The following CYSLTR2 variants were observed in gnomAD, a reference collection of about 807,000 sequenced individuals.
CYSLTR2 encodes the protein cysteinyl leukotriene receptor 2.
For missense variants in CYSLTR2, 398 were observed against 411.9 expected (o/e 0.97, Z 0.29); for synonymous variants, 179 against 160.8 (o/e 1.11, Z -0.86).
intron 4 of CYSLTR2, among the ~76,000 whole-genome samples, chr13:48,701,710 G>T (rs1333752906): frequency 2.0e-5 from 3 of 152,324 alleles, no homozygotes; most frequent in Admixed American, 2.0e-4. Context: ...ACCACAATGA[G>T]ATACCATCTC....
chr13:48,706,655 G>A (rs1456318749), intron 4 of CYSLTR2, 162 bp from the exon 5 acceptor site: 3 of 593,976 alleles, frequency 5.1e-6, no homozygotes, highest in South Asian at 2.2e-5. Flanking sequence ...ATGTAATGCA[G>A]CATGTAGTAA....
intron 1 of CYSLTR2, among the ~76,000 whole-genome samples, chr13:48,667,935 G>C (rs1218652809): frequency 2.0e-5 from 3 of 152,152 alleles, no homozygotes; most frequent in Non-Finnish European, 4.4e-5. Flanking sequence ...AGAAGAGGAA[G>C]CCTAATGTGG....
rs149390550 is a variant in CYSLTR2, at chr13:48,655,095, A to G, written c.-266+1078A>G. ...ACTCAGCCACATAAACTCTTGAGAT[A>G]AGAATCTACTTGTGTTTCGATTTAC... On this transcript the variant is annotated intron_variant, in intron 1 of 4. Transcript: ENST00000682523. 4.9e-3 allele frequency among the ~76,000 whole-genome samples: 740 copies of G among 152,354 alleles called. 3 individuals carry two copies. Among genetic ancestry groups the G allele is most frequent in the Middle Eastern group, 0.014 (4 of 294 alleles).
intron 1 of CYSLTR2, among the ~76,000 whole-genome samples, chr13:48,686,565 C>G (rs545212932): frequency 6.6e-6 from 1 of 152,150 alleles, no homozygotes; most frequent in Non-Finnish European, 1.5e-5. Context: ...GAAAATATGT[C>G]CCGCAAAATC....
chr13:48,685,774 C>A (rs562142713), intron 1 of CYSLTR2, among the ~76,000 whole-genome samples: 1 of 152,158 alleles, frequency 6.6e-6, no homozygotes, highest in African/African-American at 2.4e-5. Flanking sequence ...TACATAACAA[C>A]ATCATCATTC....
rs1954512074 is a variant in CYSLTR2 at position 48,707,068 on chromosome 13, A to G, written c.251A>G (p.Asp84Gly). ...NVFMLNLAIS[D>G]LLFISTLPFR... ...TTCATGCTAAATCTGGCCATTTCAG[A>G]TCTCCTGTTCATAAGCACGCTTCCC... is the stretch of plus-strand genomic sequence containing the variant. The change falls in exon 5 of 5, where the codon GAT (aspartate) becomes GGT (glycine). Residue 84 changes from aspartate to glycine, a missense_variant. Transcript: ENST00000682523. 1 of 1,614,052 alleles carries G rather than the reference A, an allele frequency of 6.2e-7. No individual in the cohort carries two copies. The highest frequency in any genetic ancestry group is 1.7e-5 in the Admixed American group (1 of 59,998).
chr13:48,672,839 A>G (rs1407943270), intron 1 of CYSLTR2, among the ~76,000 whole-genome samples: 2 of 151,740 alleles, frequency 1.3e-5, no homozygotes, highest in African/African-American at 2.4e-5. Flanking sequence ...GATGGTCTTG[A>G]TCTCCTGACC....
chr13:48,668,243 AAAAG>A (rs1429040598), intron 1 of CYSLTR2, among the ~76,000 whole-genome samples: 1 of 152,128 alleles, frequency 6.6e-6, no homozygotes, highest in African/African-American at 2.4e-5. Context: ...ATAAAAAAAA[AAAAG>A]AGAGACCCAC....
chr13:48,693,824 ACT>A (rs2138950999), intron 3 of CYSLTR2, among the ~76,000 whole-genome samples: 1 of 152,330 alleles, frequency 6.6e-6, no homozygotes, highest in African/African-American at 2.4e-5. Context: ...CAAAAGAATC[ACT>A]GTTAGACAAA....
At position 48,679,968 on chromosome 13, in the gene CYSLTR2, C is replaced by A. The variant is rs866448287; in HGVS notation, c.-265-11244C>A. 3.3e-5 allele frequency among the ~76,000 whole-genome samples: 5 copies of A among 152,228 alleles called. No individual in the cohort carries two copies. The East Asian group carries it at 7.7e-4, about 24-fold the overall frequency. ...ACTGAGTAGCAACTAGGGAGGCTTC[C>A]GCATGGCAGGTCTACCAGTTTTCCC... On this transcript the variant is annotated intron_variant, in intron 1 of 4. Coordinates refer to ENST00000682523, the MANE Select transcript of CYSLTR2 (RefSeq NM_001308476.3).
At chr13:48,695,407 T>TCTC (rs1566101109) in intron 3 of CYSLTR2, among the ~76,000 whole-genome samples, 2 of 98,306 alleles carry the variant, frequency 2.0e-5, no homozygotes, top group African/African-American at 9.5e-5. Context: ...CTCTCTCTCT[T>TCTC]TCTCTCTCTC....
At chr13:48,679,013 T>C (rs1953676267) in intron 1 of CYSLTR2, among the ~76,000 whole-genome samples, 1 of 152,186 alleles carries the variant, frequency 6.6e-6, no homozygotes, top group South Asian at 2.1e-4. Flanking sequence ...AGGCTCTCAC[T>C]GCCCTCAGGA....
At chr13:48,689,698 C>T (rs984438662) in intron 1 of CYSLTR2, among the ~76,000 whole-genome samples, 6 of 152,148 alleles carry the variant, frequency 3.9e-5, no homozygotes, top group Non-Finnish European at 8.8e-5. Context: ...ATGCCTCCAG[C>T]TTTGTTCTTT....
rs1471491500 is a variant in CYSLTR2, at chr13:48,710,631, T to C, written c.*2773T>C. On this transcript the variant is annotated 3_prime_UTR_variant, in exon 5 of 5. Coordinates refer to ENST00000682523, the MANE Select transcript of CYSLTR2 (RefSeq NM_001308476.3). The stretch of plus-strand genomic sequence containing the variant: ...AGTAAGAACAAATCCATCTGTAAAA[T>C]TGTGAAGAAGGCAAAAGAAATTTGT... 5 of 152,164 alleles carry C rather than the reference T, an allele frequency of 3.3e-5. No individual in the cohort carries two copies. The highest frequency in any genetic ancestry group is 7.4e-5 in the Non-Finnish European group (5 of 68,016). The allele number at this position is 152,164 out of a possible 1,614,324, so 9.4% of individuals were successfully genotyped here.
intron 2 of CYSLTR2, among the ~76,000 whole-genome samples, chr13:48,692,524 G>A (rs982432671): frequency 6.6e-6 from 1 of 151,346 alleles, no homozygotes; most frequent in Non-Finnish European, 1.5e-5. Context: ...CATTTTAACT[G>A]TAGCTTTAAA....
intron 4 of CYSLTR2, among the ~76,000 whole-genome samples, chr13:48,697,445 G>GTTA (rs1248950402): frequency 2.0e-5 from 3 of 152,124 alleles, no homozygotes; most frequent in Non-Finnish European, 4.4e-5. Flanking sequence ...TGCAGCTGAG[G>GTTA]GTCCTGACTG....
At position 48,707,853 on chromosome 13, in the gene CYSLTR2, G is replaced by T. The variant is rs1396103331; in HGVS notation, c.1036G>T (p.Val346Leu). 3 of 1,520,222 alleles carry T rather than the reference G, an allele frequency of 2.0e-6. No individual in the cohort carries two copies. The highest frequency in any genetic ancestry group is 2.6e-6 in the Non-Finnish European group (3 of 1,136,208). 94.2% of individuals were successfully genotyped at this position (1,520,222 alleles called of 1,614,324 possible). A position where few individuals can be genotyped will look rare whatever the true frequency, so the allele number is the denominator to read the frequency against. The change falls in exon 5 of 5, where the codon GTA becomes TTA. Residue 346 changes from valine to leucine, a missense_variant. Transcript: ENST00000682523. ...TGTGTGGTTGAGAAAGGAAACAAGAGTATAAGGAGCTCTTAGATGAGACCT... is the reference window on the plus strand; with the variant it reads ...TGTGTGGTTGAGAAAGGAAACAAGATTATAAGGAGCTCTTAGATGAGACCT... ...VSVWLRKETR[V>L]
chr13:48,668,220 A>T (rs1052152478), intron 1 of CYSLTR2, among the ~76,000 whole-genome samples: 1 of 152,032 alleles, frequency 6.6e-6, no homozygotes, highest in Non-Finnish European at 1.5e-5. Flanking sequence ...GTTTTTATAC[A>T]AGTGCCATAG....
chr13:48,689,752 A>G (rs955613321), intron 1 of CYSLTR2, among the ~76,000 whole-genome samples: 1 of 152,138 alleles, frequency 6.6e-6, no homozygotes, highest in African/African-American at 2.4e-5. Context: ...TTTTGGTTCC[A>G]TATGAAATTT....
Sources: allele counts gnomAD v4.1 joint callset (sites outside exome capture counted in the v4.1 genomes callset), GRCh38; gene constraint gnomAD v4.1.1; transcripts MANE v1.5; gene names NCBI Gene and HGNC (gene_info 2026-07-23, HGNC 2026-07-21).